The following AFAP1 variants were observed in gnomAD, a reference collection of about 807,000 sequenced individuals.
The protein encoded by AFAP1 is actin filament associated protein 1, also known as actin filament-associated protein 1.
A neutral mutation model predicts 93.9 loss-of-function variants in AFAP1; 75 were observed. That is an observed-to-expected ratio of 0.80 (90% CI 0.66 to 0.97). The LOEUF (loss-of-function observed/expected upper bound fraction) is 0.97, where lower values mean the gene tolerates loss of function less well. Among genes scored for constraint, AFAP1 ranks in the 50% least tolerant of loss-of-function variants. The pLI is 0.00. For synonymous variants in AFAP1, 517 were observed against 430.7 expected (o/e 1.20, Z -2.48); for missense variants, 1,201 against 1,050.8 (o/e 1.14, Z -1.98).
chr4:7,877,924 G>A lies in AFAP1; in HGVS notation c.-2-5844C>T, dbSNP rs369519229. Among the ~76,000 whole-genome samples, 15 of 152,256 alleles carry A rather than the reference G, an allele frequency of 9.9e-5. 1 individual carries two copies. The East Asian group carries it at 2.5e-3, about 25-fold the overall frequency. On this transcript the variant is annotated intron_variant, in intron 1 of 17. Transcript: ENST00000420658. ...CATATCGCCAGTTCCCAGGACGCAG[G>A]TGCAGCTCCTGGTGCATCTCTGTAT...
At chr4:7,823,662 G>C (rs1721173679) in intron 6 of AFAP1, among the ~76,000 whole-genome samples, 1 of 152,178 alleles carries the variant, frequency 6.6e-6, no homozygotes, top group Non-Finnish European at 1.5e-5. Context: ...TTTCCAAGAA[G>C]CTTTCCTGGT....
At chr4:7,792,059 T>G (rs759885470) in intron 11 of AFAP1, among the ~76,000 whole-genome samples, 2 of 152,162 alleles carry the variant, frequency 1.3e-5, no homozygotes, top group African/African-American at 2.4e-5. Flanking sequence ...TGTCACAAAA[T>G]GCTCTTTTGG....
chr4:7,914,220 A>C (rs1719933336), intron 1 of AFAP1, among the ~76,000 whole-genome samples: 1 of 151,894 alleles, frequency 6.6e-6, no homozygotes, highest in Non-Finnish European at 1.5e-5. Flanking sequence ...ACGCCCAGCT[A>C]ATTTTTGTAT....
intron 8 of AFAP1, among the ~76,000 whole-genome samples, chr4:7,813,772 A>C (rs1314948667): frequency 6.6e-6 from 1 of 152,226 alleles, no homozygotes; most frequent in African/African-American, 2.4e-5. Flanking sequence ...CCACATATGA[A>C]AAAAGTGGGT....
intron 4 of AFAP1, among the ~76,000 whole-genome samples, chr4:7,846,022 T>C (rs1178771718): frequency 6.6e-6 from 1 of 152,150 alleles, no homozygotes; most frequent in African/African-American, 2.4e-5. Context: ...GACAAGCTAT[T>C]GCCAACCAAA....
intron 6 of AFAP1, among the ~76,000 whole-genome samples, chr4:7,827,041 C>T (rs1445556435): frequency 2.6e-5 from 4 of 151,934 alleles, no homozygotes; most frequent in Non-Finnish European, 4.4e-5. Context: ...GAGATGGAAA[C>T]GATTTAAAAA....
At chr4:7,930,797 C>A (rs1372996665) in intron 1 of AFAP1, among the ~76,000 whole-genome samples, 1 of 152,226 alleles carries the variant, frequency 6.6e-6, no homozygotes, top group Admixed American at 6.5e-5. Flanking sequence ...GTTGCCCAGG[C>A]TGGAGTGCAG....
chr4:7,877,846 T>C (rs1322558732), intron 1 of AFAP1, among the ~76,000 whole-genome samples: 1 of 152,172 alleles, frequency 6.6e-6, no homozygotes, highest in Non-Finnish European at 1.5e-5. Context: ...CAACATAGAC[T>C]ACAGAGTAAC....
chr4:7,846,135 G>A (rs1401590209), intron 4 of AFAP1, among the ~76,000 whole-genome samples: 6 of 152,226 alleles, frequency 3.9e-5, no homozygotes, highest in Non-Finnish European at 5.9e-5. Context: ...CAGGACGTGA[G>A]CGAGGCCACA....
chr4:7,849,659 G>A (rs1443716730), intron 4 of AFAP1, among the ~76,000 whole-genome samples: 1 of 152,212 alleles, frequency 6.6e-6, no homozygotes, highest in African/African-American at 2.4e-5. Flanking sequence ...CTTTGCAGCT[G>A]TGTCTAGCGT....
chr4:7,921,180 A>ATT (rs1355925693), intron 1 of AFAP1, among the ~76,000 whole-genome samples: 1 of 68,236 alleles, frequency 1.5e-5, no homozygotes, highest in Non-Finnish European at 2.3e-5. Context: ...TGAGAGCAAA[A>ATT]CTTTTTTTTT....
chr4:7,894,717 C>G (rs1251998026), intron 1 of AFAP1, among the ~76,000 whole-genome samples: 1 of 152,158 alleles, frequency 6.6e-6, no homozygotes, highest in Non-Finnish European at 1.5e-5. Flanking sequence ...TGTGACCCAC[C>G]GATGAAGAGG....
intron 1 of AFAP1, among the ~76,000 whole-genome samples, chr4:7,931,509 G>A (rs902919443): frequency 2.6e-5 from 4 of 151,580 alleles, no homozygotes; most frequent in East Asian, 3.9e-4. Context: ...AACCTCCTGA[G>A]TAGCTAGAAT....
chr4:7,919,929 G>C (rs927639003), intron 1 of AFAP1, among the ~76,000 whole-genome samples: 1 of 152,142 alleles, frequency 6.6e-6, no homozygotes, highest in Non-Finnish European at 1.5e-5. Context: ...GTTTGCTGAG[G>C]ATAATGGCTT....
At chr4:7,808,464 T>TG (rs965164772) in intron 9 of AFAP1, among the ~76,000 whole-genome samples, 1 of 152,060 alleles carries the variant, frequency 6.6e-6, no homozygotes, top group Non-Finnish European at 1.5e-5. Flanking sequence ...CTGGAAGCCA[T>TG]GGGGGGCCAG....
chr4:7,774,943 A>G (rs2148967796), intron 14 of AFAP1, 40 bp from the exon 15 acceptor site: 1 of 1,596,234 alleles, frequency 6.3e-7, no homozygotes, highest in East Asian at 2.2e-5. Flanking sequence ...AATTAGGTTT[A>G]CTAGCCTGGG....
chr4:7,834,140 G>T (rs1711992005), intron 6 of AFAP1, among the ~76,000 whole-genome samples: 1 of 75,056 alleles, frequency 1.3e-5, no homozygotes, highest in Non-Finnish European at 2.7e-5. Flanking sequence ...TATATACAAT[G>T]GAATACTACT....
At position 7,773,000 on chromosome 4, in the gene AFAP1, C is replaced by G. The variant is rs754273915; in HGVS notation, c.2073G>C (p.Pro691=). The change falls in exon 16 of 18, where the codon CCG becomes CCC. Residue 691 remains proline, a synonymous_variant. Coordinates refer to ENST00000420658, the MANE Select transcript of AFAP1 (RefSeq NM_001134647.2). ...TCAGCTTCTCCTCCAGGATCGCCTG[C>G]GGCTTCCTGCCTGGAATTCCCAGAA... The part of the protein sequence containing the change: ...AAIEVNAGRK[P]QAILEEKLKQ... 1.9e-6 allele frequency: 3 copies of G among 1,609,190 alleles called. No homozygotes were observed. In the African/African-American group the frequency reaches 4.0e-5, roughly 21 times the overall value.
At chr4:7,796,061 ATGTG>A (rs1233161211) in intron 10 of AFAP1, among the ~76,000 whole-genome samples, 5 of 152,152 alleles carry the variant, frequency 3.3e-5, no homozygotes, top group African/African-American at 9.7e-5. Flanking sequence ...AAACGTGTGA[ATGTG>A]TGTGTATGTA....
Sources: allele counts gnomAD v4.1 joint callset (sites outside exome capture counted in the v4.1 genomes callset), GRCh38; gene constraint gnomAD v4.1.1; transcripts MANE v1.5; gene names NCBI Gene and HGNC (gene_info 2026-07-23, HGNC 2026-07-21).